Variants in EIF4E observed in about 807,000 individuals in gnomAD.
EIF4E encodes eIF-4F 25 kDa subunit.
For synonymous variants in EIF4E, 71 were observed against 88.5 expected (o/e 0.80, Z 1.11); for missense variants, 113 against 265.6 (o/e 0.43, Z 3.99).
rs555001472 is a variant in EIF4E at position 98,922,210 on chromosome 4, T to G, written c.18+6885A>C. Among the ~76,000 whole-genome samples the G allele has an allele frequency of 2.6e-5, 4 of 152,298 alleles. No homozygotes were observed. The East Asian group carries it at 5.8e-4, about 22-fold the overall frequency. On this transcript the variant is annotated intron_variant, in intron 1 of 6. Coordinates refer to ENST00000450253, the MANE Select transcript of EIF4E (RefSeq NM_001968.5). ...ACTCCACCCCACCACTTAATAGCTGTGTGATTTTGGAGCAAGTTAGTCACA... is the reference window on the plus strand; with the variant it reads ...ACTCCACCCCACCACTTAATAGCTGGGTGATTTTGGAGCAAGTTAGTCACA...
At chr4:98,891,555 G>GC (rs1294436570) in intron 2 of EIF4E, 5 of 549,320 alleles carry the variant, frequency 9.1e-6, no homozygotes, top group Admixed American at 3.4e-5. Context: ...GAATAAGCCA[G>GC]CCCCCCTCCA....
chr4:98,902,492 G>A (rs1012936569), intron 1 of EIF4E, among the ~76,000 whole-genome samples: 2 of 151,968 alleles, frequency 1.3e-5, no homozygotes, highest in African/African-American at 2.4e-5. Context: ...AGAGCAAACG[G>A]TTTCTCAAAT....
chr4:98,888,661 T>C (rs1724021218), intron 3 of EIF4E, among the ~76,000 whole-genome samples: 1 of 152,166 alleles, frequency 6.6e-6, no homozygotes, highest in Non-Finnish European at 1.5e-5. Flanking sequence ...TGCCTGAAGG[T>C]AGGAGGCTTA....
rs368862133 is a variant in EIF4E at position 98,908,133 on chromosome 4, A to G, written c.19-6151T>C. On this transcript the variant is annotated intron_variant, in intron 1 of 6. Transcript: ENST00000450253. ...CTCTAAATTATTGTCCTGGCTCAAT[A>G]ATTTCTATCTATCCTCAGATCCTTA... Among the ~76,000 whole-genome samples the G allele has an allele frequency of 3.3e-4, 51 of 152,270 alleles. No homozygotes were observed. In the East Asian group the frequency reaches 3.5e-3, roughly 10 times the overall value.
chr4:98,899,540 T>C (rs1238073895), intron 2 of EIF4E, among the ~76,000 whole-genome samples: 1 of 152,186 alleles, frequency 6.6e-6, no homozygotes, highest in Non-Finnish European at 1.5e-5. Flanking sequence ...GTAATCTTTG[T>C]TCTAGGAGAT....
At chr4:98,901,076 T>A (rs919877850) in intron 2 of EIF4E, among the ~76,000 whole-genome samples, 1 of 152,256 alleles carries the variant, frequency 6.6e-6, no homozygotes, top group Admixed American at 6.5e-5. Flanking sequence ...CGGACTTTTT[T>A]AAAAGTGTTC....
chr4:98,927,416 G>A (rs1337120690), intron 1 of EIF4E, among the ~76,000 whole-genome samples: 3 of 152,086 alleles, frequency 2.0e-5, no homozygotes, highest in East Asian at 3.9e-4. Context: ...AGCACTTTGG[G>A]AGGCTGAGGC....
intron 5 of EIF4E, chr4:98,886,564 A>C: frequency 2.5e-6 from 1 of 407,286 alleles, no homozygotes; most frequent in Non-Finnish European, 4.9e-6. Context: ...AAAATTAGAA[A>C]ATTAGCTGGG....
At chr4:98,909,787 T>C in intron 1 of EIF4E, 1 of 702,788 alleles carries the variant, frequency 1.4e-6, no homozygotes, top group South Asian at 1.5e-5. Context: ...CATGCATCAC[T>C]TTTTCTCGAC....
chr4:98,921,287 C>G (rs1337363179), intron 1 of EIF4E, among the ~76,000 whole-genome samples: 1 of 152,062 alleles, frequency 6.6e-6, no homozygotes, highest in African/African-American at 2.4e-5. Context: ...GATTTTGTGC[C>G]AACATAGGCT....
At chr4:98,886,328 T>G (rs1169623527) in intron 5 of EIF4E, 1 of 283,090 alleles carries the variant, frequency 3.5e-6, no homozygotes, top group East Asian at 1.0e-4. Context: ...CATATTTAAT[T>G]TGTCTTGTAA....
At chr4:98,914,870 C>T (rs1425899066) in intron 1 of EIF4E, among the ~76,000 whole-genome samples, 2 of 152,102 alleles carry the variant, frequency 1.3e-5, no homozygotes, top group African/African-American at 2.4e-5. Context: ...GTACCTGCAC[C>T]GGGGCAAGGA....
chr4:98,915,097 C>A (rs1380746145), intron 1 of EIF4E, among the ~76,000 whole-genome samples: 2 of 152,108 alleles, frequency 1.3e-5, no homozygotes, highest in African/African-American at 4.8e-5. Context: ...GCACATGCCA[C>A]CACACCCAGC....
At chr4:98,921,045 TA>T (rs944869147) in intron 1 of EIF4E, among the ~76,000 whole-genome samples, 2 of 151,880 alleles carry the variant, frequency 1.3e-5, no homozygotes, top group African/African-American at 2.4e-5. Flanking sequence ...TGCTAAAAAT[TA>T]AAAAAAAATT....
intron 1 of EIF4E, among the ~76,000 whole-genome samples, chr4:98,918,415 C>A (rs1476960720): frequency 2.0e-5 from 3 of 149,742 alleles, no homozygotes; most frequent in Non-Finnish European, 4.4e-5. Context: ...AACGTACATA[C>A]CTATTTTATA....
intron 3 of EIF4E, among the ~76,000 whole-genome samples, chr4:98,888,319 TAAAAAAACAAAA>T (rs1724008469): frequency 6.6e-6 from 1 of 150,920 alleles, no homozygotes; most frequent in South Asian, 2.1e-4. Flanking sequence ...TTCACAAACA[TAAAAAAACAAAA>T]ACAAAAACAA....
chr4:98,907,216 GAACA>G (rs978167633), intron 1 of EIF4E, among the ~76,000 whole-genome samples: 2 of 151,998 alleles, frequency 1.3e-5, no homozygotes, highest in African/African-American at 4.8e-5. Context: ...ATTCCTCCCA[GAACA>G]ATAATGATTA....
chr4:98,881,675 A>T (rs949421249), intron 6 of EIF4E, among the ~76,000 whole-genome samples: 78 of 152,246 alleles, frequency 5.1e-4, no homozygotes, highest in Admixed American at 2.3e-3. Context: ...CATACCTGTT[A>T]TAAGACTGCA....
chr4:98,891,008 G>A, intron 3 of EIF4E: 1 of 579,472 alleles, frequency 1.7e-6, no homozygotes, highest in Non-Finnish European at 3.1e-6. Flanking sequence ...CTTGAGCTAA[G>A]GATATCTCAG....
Sources: allele counts gnomAD v4.1 joint callset (sites outside exome capture counted in the v4.1 genomes callset), GRCh38; gene constraint gnomAD v4.1.1; transcripts MANE v1.5; gene names NCBI Gene and HGNC (gene_info 2026-07-23, HGNC 2026-07-21).